Variants in PDE1C observed in about 807,000 individuals in gnomAD.
PDE1C encodes the protein phosphodiesterase 1C.
In PDE1C, 62 loss-of-function variants were observed where a neutral mutation model predicts 93.1. The observed-to-expected ratio is 0.67, with a 90% CI of 0.54 to 0.82. PDE1C has a LOEUF of 0.82. Among genes scored for constraint, PDE1C ranks in the 40% least tolerant of loss-of-function variants. The pLI is 0.00. For synonymous variants in PDE1C, 325 were observed against 310.1 expected (o/e 1.05, Z -0.50); for missense variants, 742 against 884.6 (o/e 0.84, Z 2.04).
intron 2 of PDE1C, among the ~76,000 whole-genome samples, chr7:32,180,501 T>A (rs935135813): frequency 6.6e-6 from 1 of 152,126 alleles, no homozygotes; most frequent in African/African-American, 2.4e-5. Flanking sequence ...TTCCCTTTTG[T>A]CCCTTCCATC....
chr7:32,117,680 C>G (rs1799060411), intron 3 of PDE1C, among the ~76,000 whole-genome samples: 1 of 152,204 alleles, frequency 6.6e-6, no homozygotes, highest in African/African-American at 2.4e-5. Context: ...TGTCCTTTCA[C>G]TTATTTTCTT....
At position 32,067,439 on chromosome 7, in the gene PDE1C, G is replaced by T. The variant is rs146570304; in HGVS notation, c.101+2854C>A. On this transcript the variant is annotated intron_variant, in intron 1 of 17. Transcript: ENST00000396191. ...CATTCGGATGGTGGGAAGTGCTAGA[G>T]AAAAATAAAGCATGGCAGGGTATGG... Among the ~76,000 whole-genome samples the T allele has an allele frequency of 4.3e-3, 655 of 152,226 alleles. 7 individuals carry two copies. The highest frequency in any genetic ancestry group is 0.015 in the African/African-American group (637 of 41,540).
At chr7:32,395,444 G>A (rs1287982988) in intron 1 of PDE1C, among the ~76,000 whole-genome samples, 1 of 152,152 alleles carries the variant, frequency 6.6e-6, no homozygotes, top group Non-Finnish European at 1.5e-5. Context: ...AGGGATATGG[G>A]TGAGGAAATA....
At chr7:31,738,029 G>T in the PDE1C span, among the ~76,000 whole-genome samples, 3 of 152,030 alleles carry the variant, frequency 2.0e-5, no homozygotes, top group Non-Finnish European at 4.4e-5. Context: ...ACCTATCCCT[G>T]CCCACCTTTC....
chr7:31,709,519 G>A, the PDE1C span, among the ~76,000 whole-genome samples: 23 of 152,228 alleles, frequency 1.5e-4, no homozygotes, highest in Admixed American at 7.8e-4. Context: ...TGAATGGGCC[G>A]CAATTATGAG....
At chr7:32,237,601 G>A (rs1585009036) in intron 1 of PDE1C, among the ~76,000 whole-genome samples, 1 of 151,150 alleles carries the variant, frequency 6.6e-6, no homozygotes, top group African/African-American at 2.4e-5. Flanking sequence ...AAAAATCTCA[G>A]CAAACTAAAA....
Position 31,828,355 on chromosome 7 carries a change from G to T in PDE1C, c.1222C>A (p.Leu408Met), listed in dbSNP as rs755452839. ...FFRQGDREAE[L>M]GLPFSPLCDR... ...CACAGAGGAGAAAAAGGCAGCCCCA[G>T]CTCTGCTTCTCTGTCACCCTGGAAA... Residue 408 changes from leucine to methionine, a missense_variant, in exon 12 of 18, where the codon CTG becomes ATG. Physicochemically the swap from Leu to Met is conservative, Grantham distance 15. This residue lies in a region of PDE1C where 454 missense variants were observed against 459.4 expected (regional missense o/e 0.99). Transcript: ENST00000396191. 6.2e-6 allele frequency: 10 copies of T among 1,612,494 alleles called. No individual in the cohort carries two copies. The highest frequency in any genetic ancestry group is 5.9e-6 in the Non-Finnish European group (7 of 1,178,876).
intron 2 of PDE1C, among the ~76,000 whole-genome samples, chr7:32,172,910 G>C (rs536162554): frequency 2.6e-5 from 4 of 151,878 alleles, no homozygotes; most frequent in African/African-American, 7.2e-5. Flanking sequence ...CTGTTGGTTG[G>C]AGTGTAAATT....
At chr7:31,875,408 C>T (rs945908962) in intron 5 of PDE1C, among the ~76,000 whole-genome samples, 3 of 152,110 alleles carry the variant, frequency 2.0e-5, no homozygotes, top group Admixed American at 6.6e-5. Context: ...CTGTAATTCT[C>T]AGTCTAATGT....
upstream of PDE1C, among the ~76,000 whole-genome samples, chr7:32,075,902 T>C (rs1796323041): frequency 6.6e-6 from 1 of 152,166 alleles, no homozygotes. Context: ...TGGTACTGCC[T>C]CACCACGCCA....
intron 1 of PDE1C, among the ~76,000 whole-genome samples, chr7:32,417,963 C>A (rs1473117873): frequency 6.6e-6 from 1 of 151,994 alleles, no homozygotes; most frequent in Non-Finnish European, 1.5e-5. Flanking sequence ...CTTCTGGAAA[C>A]TTGTGTTTTT....
chr7:31,672,830 T>C, the PDE1C span, among the ~76,000 whole-genome samples: 1 of 152,304 alleles, frequency 6.6e-6, no homozygotes, highest in Non-Finnish European at 1.5e-5. Flanking sequence ...TCTCAAATTA[T>C]AATTCCCATG....
At chr7:32,301,358 C>A (rs551471246), upstream of PDE1C, among the ~76,000 whole-genome samples, 1 of 152,084 alleles carries the variant, frequency 6.6e-6, no homozygotes, top group African/African-American at 2.4e-5. Flanking sequence ...TTTTTCCTTG[C>A]GTAAGTGAGT....
intron 3 of PDE1C, among the ~76,000 whole-genome samples, chr7:32,125,506 G>GGT (rs1309485894): frequency 6.6e-6 from 1 of 152,086 alleles, no homozygotes; most frequent in African/African-American, 2.4e-5. Context: ...AAGAAAATGT[G>GGT]GTATATATAC....
intron 1 of PDE1C, among the ~76,000 whole-genome samples, chr7:32,389,355 T>C (rs1784710120): frequency 6.6e-6 from 1 of 152,218 alleles, no homozygotes. Context: ...TAGCTGAGCT[T>C]ACAGGCGTGT....
At chr7:32,206,002 C>T (rs1185932916) in intron 2 of PDE1C, among the ~76,000 whole-genome samples, 1 of 152,172 alleles carries the variant, frequency 6.6e-6, no homozygotes, top group South Asian at 2.1e-4. Flanking sequence ...ACCAAGAACC[C>T]ACCAGAAGAA....
chr7:31,964,371 T>A (rs1321082706), intron 2 of PDE1C, among the ~76,000 whole-genome samples: 1 of 148,200 alleles, frequency 6.7e-6, no homozygotes, highest in Non-Finnish European at 1.5e-5. Flanking sequence ...AGCACAGCAA[T>A]CTGAGATCAA....
chr7:32,393,048 CAAAAAA>C (rs35905868), intron 1 of PDE1C, among the ~76,000 whole-genome samples: 1 of 48,498 alleles, frequency 2.1e-5, no homozygotes, highest in Non-Finnish European at 3.6e-5. Context: ...GACTCTGTCT[CAAAAAA>C]AAAAAAAAAA....
chr7:31,986,055 T>C (rs577227887), intron 2 of PDE1C, among the ~76,000 whole-genome samples: 3 of 152,152 alleles, frequency 2.0e-5, no homozygotes, highest in Admixed American at 6.6e-5. Context: ...GATTGAATTA[T>C]TTTCTCAGGA....
Sources: allele counts gnomAD v4.1 joint callset (sites outside exome capture counted in the v4.1 genomes callset), GRCh38; gene constraint gnomAD v4.1.1; regional missense constraint gnomAD v4.1.1; transcripts MANE v1.5; gene names NCBI Gene and HGNC (gene_info 2026-07-23, HGNC 2026-07-21).